Variants in SLC44A3 observed in about 807,000 individuals in gnomAD.
SLC44A3 encodes the protein solute carrier family 44 member 3, also known as choline transporter-like protein 3.
A neutral mutation model predicts 75.4 loss-of-function variants in SLC44A3; 74 were observed. The ratio of observed to expected loss-of-function variants is 0.98; its 90% CI spans 0.81 to 1.19. SLC44A3 has a LOEUF of 1.19. SLC44A3 is among the 50% of genes most tolerant of loss of function. The pLI is 0.00. For missense variants in SLC44A3, 700 were observed against 778.6 expected (o/e 0.90, Z 1.20); for synonymous variants, 310 against 296.9 (o/e 1.04, Z -0.45).
At chr1:94,849,869 G>T (rs1664977095) in intron 9 of SLC44A3, among the ~76,000 whole-genome samples, 1 of 152,050 alleles carries the variant, frequency 6.6e-6, no homozygotes, top group Non-Finnish European at 1.5e-5. Flanking sequence ...TCCCATCTCA[G>T]CCTCCCCAGT....
At chr1:94,873,677 G>A (rs1032234424) in intron 12 of SLC44A3, among the ~76,000 whole-genome samples, 7 of 151,946 alleles carry the variant, frequency 4.6e-5, no homozygotes, top group African/African-American at 9.7e-5. Flanking sequence ...TGTCTTTCTC[G>A]TAGTCCATCA....
At chr1:94,851,699 C>G (rs943295732) in intron 9 of SLC44A3, among the ~76,000 whole-genome samples, 1 of 152,236 alleles carries the variant, frequency 6.6e-6, no homozygotes, top group Non-Finnish European at 1.5e-5. Flanking sequence ...AATCCTCATG[C>G]TGCCAGAGCC....
intron 12 of SLC44A3, among the ~76,000 whole-genome samples, chr1:94,887,832 AG>A (rs1426369588): frequency 2.0e-5 from 3 of 152,158 alleles, no homozygotes; most frequent in Non-Finnish European, 4.4e-5. Context: ...GGGGGCTGGC[AG>A]GTGGTCTAAA....
chr1:94,858,884 G>T (rs1461844166), intron 10 of SLC44A3, among the ~76,000 whole-genome samples: 5 of 152,118 alleles, frequency 3.3e-5, no homozygotes, highest in African/African-American at 1.2e-4. Flanking sequence ...CAGAGCTGGG[G>T]TTTCACCATG....
intron 5 of SLC44A3, 126 bp from the exon 6 acceptor site, chr1:94,837,585 C>T (rs1426972312): frequency 6.0e-6 from 5 of 828,458 alleles, no homozygotes; most frequent in African/African-American, 5.4e-5. Flanking sequence ...CTGCAAATGG[C>T]ATGCTAGACG....
chr1:94,856,553 T>A (rs1234899634), intron 9 of SLC44A3, among the ~76,000 whole-genome samples: 1 of 152,212 alleles, frequency 6.6e-6, no homozygotes, highest in Non-Finnish European at 1.5e-5. Flanking sequence ...GAAGTAGGAT[T>A]CTATAATGTG....
intron 10 of SLC44A3, among the ~76,000 whole-genome samples, chr1:94,861,686 CAG>C (rs1315639975): frequency 6.6e-6 from 1 of 152,204 alleles, no homozygotes; most frequent in African/African-American, 2.4e-5. Context: ...GGCCTGCACT[CAG>C]GGTGAGGATT....
intron 7 of SLC44A3, 28 bp downstream of exon 7, chr1:94,840,065 C>T: frequency 6.3e-7 from 1 of 1,575,454 alleles, no homozygotes. Flanking sequence ...TGACTGATTT[C>T]TTTTCGATTA....
chr1:94,881,485 A>G (rs1396072120), intron 12 of SLC44A3, among the ~76,000 whole-genome samples: 2 of 151,884 alleles, frequency 1.3e-5, no homozygotes, highest in East Asian at 1.9e-4. Context: ...CGGGCGGATC[A>G]CAAGGTCAGG....
Position 94,824,656 on chromosome 1 carries a change from C to G in SLC44A3, c.278+21C>G, listed in dbSNP as rs1351337626. 4.5e-6 allele frequency: 7 copies of G among 1,548,636 alleles called. No homozygotes were observed. In the South Asian group the frequency reaches 6.2e-5, roughly 14 times the overall value. On this transcript the variant is annotated intron_variant, in intron 3 of 14. Transcript: ENST00000271227. ...AAAAAGTAAGTATCTAAATAAGTCCCCAGTCTGTAAGGAACTGTACCTCAA... is the reference window on the plus strand; with the variant it reads ...AAAAAGTAAGTATCTAAATAAGTCCGCAGTCTGTAAGGAACTGTACCTCAA...
At chr1:94,848,092 G>A (rs376705437) in intron 9 of SLC44A3, among the ~76,000 whole-genome samples, 3 of 152,252 alleles carry the variant, frequency 2.0e-5, no homozygotes, top group South Asian at 2.1e-4. Flanking sequence ...AGCCGGGCGT[G>A]GTGGCGGGCG....
chr1:94,866,741 A>T (rs980534405), intron 11 of SLC44A3, among the ~76,000 whole-genome samples: 1 of 152,080 alleles, frequency 6.6e-6, no homozygotes, highest in Non-Finnish European at 1.5e-5. Flanking sequence ...GCCTCCGAGC[A>T]CCCTTCCCCC....
chr1:94,885,328 C>T (rs859072), intron 12 of SLC44A3, among the ~76,000 whole-genome samples: 116,718 of 151,448 alleles, frequency 0.77, 45,575 homozygotes, highest in Non-Finnish European at 0.84. Flanking sequence ...GACGATGATC[C>T]GAGGGTGACT....
chr1:94,867,200 T>C (rs1441154735), intron 11 of SLC44A3, 131 bp from the exon 12 acceptor site: 1 of 627,994 alleles, frequency 1.6e-6, no homozygotes, highest in African/African-American at 1.9e-5. Context: ...ATGCACACAA[T>C]AGAACTTCTC....
At position 94,829,626 on chromosome 1, in the gene SLC44A3, A is replaced by G. The variant is rs190843585; in HGVS notation, c.509+1040A>G. On this transcript the variant is annotated intron_variant, in intron 5 of 14. Coordinates refer to ENST00000271227, the MANE Select transcript of SLC44A3 (RefSeq NM_001114106.3). ...TGAGAAGGCTAAGGGGAAAAATACA[A>G]TGAGTGTTTATTGCCACCATTATGA... Among the ~76,000 whole-genome samples, 614 of 152,346 alleles carry G rather than the reference A, an allele frequency of 4.0e-3. 2 individuals carry two copies. Among genetic ancestry groups the G allele is most frequent in the Non-Finnish European group, 7.4e-3 (505 of 68,028 alleles).
chr1:94,837,880 CAGTTA>C lies in SLC44A3; in HGVS notation c.670+16_670+20del, dbSNP rs1346640649. The C allele has an allele frequency of 1.3e-6, 2 of 1,581,140 alleles. No homozygotes were observed. The highest frequency in any genetic ancestry group is 1.4e-5 in the African/African-American group (1 of 73,394). ...GTGTATCCTCGCATTAGGTAATTCT[CAGTTA>C]AGTTAATTTTAATAGTTGTTTATGG... On this transcript the variant is annotated intron_variant, in intron 6 of 14. Coordinates refer to ENST00000271227, the MANE Select transcript of SLC44A3 (RefSeq NM_001114106.3).
intron 10 of SLC44A3, among the ~76,000 whole-genome samples, chr1:94,861,539 AAC>A (rs897127952): frequency 1.3e-5 from 2 of 152,242 alleles, no homozygotes; most frequent in African/African-American, 2.4e-5. Context: ...TTTATAATAT[AAC>A]ACACAATGAT....
At chr1:94,857,585 A>T in intron 10 of SLC44A3, 85 bp downstream of exon 10, 2 of 1,350,924 alleles carry the variant, frequency 1.5e-6, no homozygotes, top group Non-Finnish European at 2.0e-6. Context: ...ATATTTGGGA[A>T]TGTTGACCTA....
chr1:94,878,737 CT>C lies in SLC44A3; in HGVS notation c.1482+11321del, dbSNP rs1174887033. Among the ~76,000 whole-genome samples the C allele has an allele frequency of 2.0e-5, 3 of 152,290 alleles. No individual in the cohort carries two copies. The East Asian group carries it at 5.8e-4, about 29-fold the overall frequency. On this transcript the variant is annotated intron_variant, in intron 12 of 14. Coordinates refer to ENST00000271227, the MANE Select transcript of SLC44A3 (RefSeq NM_001114106.3). ...CATAGATACACTGTGCTACATAGATCTATAGACCATGTGAACAGAATAGGAA... is the reference window on the plus strand; with the variant it reads ...CATAGATACACTGTGCTACATAGATCATAGACCATGTGAACAGAATAGGAA...
Sources: gnomAD v4.1 joint callset for allele counts (sites outside exome capture counted in the v4.1 genomes callset) on GRCh38, gnomAD v4.1.1 for gene constraint, MANE v1.5 for transcripts, NCBI Gene and HGNC (gene_info 2026-07-23, HGNC 2026-07-21) for gene names.